TNFRSF9: variants seen among roughly 807,000 people sequenced by gnomAD.
The protein encoded by TNFRSF9 is tumor necrosis factor receptor superfamily member 9.
A neutral mutation model predicts 28.8 loss-of-function variants in TNFRSF9; 16 were observed. The ratio of observed to expected loss-of-function variants is 0.55; its 90% CI spans 0.38 to 0.84. TNFRSF9 has a LOEUF of 0.84. Ranked by LOEUF, TNFRSF9 falls within the 40% of genes least tolerant of loss-of-function variation. The probability of loss-of-function intolerance (pLI) is 0.00; values close to 1 mark genes in which losing one functional copy is unlikely to be tolerated. For missense variants in TNFRSF9, 303 were observed against 315.0 expected (o/e 0.96, Z 0.29); for synonymous variants, 131 against 117.0 (o/e 1.12, Z -0.77).
Position 7,920,773 on chromosome 1 carries a change from G to A in TNFRSF9, c.*62C>T, listed in dbSNP as rs539765907. 61 of 1,283,826 alleles carry A rather than the reference G, an allele frequency of 4.8e-5. No individual in the cohort carries two copies. The highest frequency in any genetic ancestry group is 3.4e-4 in the African/African-American group (23 of 68,300). The allele number at this position is 1,283,826 out of a possible 1,614,324, so 79.5% of individuals were successfully genotyped here. A position where few individuals can be genotyped will look rare whatever the true frequency, so the allele number is the denominator to read the frequency against. On this transcript the variant is annotated 3_prime_UTR_variant, in exon 8 of 8. Coordinates refer to ENST00000377507, the MANE Select transcript of TNFRSF9 (RefSeq NM_001561.6). ...TCTTGCTTTTGAAAGCTGTGATAGCGGATGACTCATATTTCCTTGCTTCTT... is the reference window on the plus strand; with the variant it reads ...TCTTGCTTTTGAAAGCTGTGATAGCAGATGACTCATATTTCCTTGCTTCTT...
chr1:7,939,746 C>G, intron 2 of TNFRSF9, 149 bp downstream of exon 2: 1 of 565,082 alleles, frequency 1.8e-6, no homozygotes, highest in Non-Finnish European at 3.1e-6. Context: ...GTTCACACAG[C>G]TAGGTTGTAG....
chr1:7,938,882 A>G, intron 2 of TNFRSF9, 54 bp from the exon 3 acceptor site: 1 of 1,270,396 alleles, frequency 7.9e-7, no homozygotes, highest in East Asian at 2.4e-5. Context: ...ATCGTCACCC[A>G]AGGCATTCCG....
At chr1:7,926,415 C>T (rs891263992) in intron 7 of TNFRSF9, among the ~76,000 whole-genome samples, 5 of 152,146 alleles carry the variant, frequency 3.3e-5, no homozygotes, top group Non-Finnish European at 7.3e-5. Context: ...CACACAACAA[C>T]GAAATCACTT....
intron 4 of TNFRSF9, among the ~76,000 whole-genome samples, 195 bp from the exon 5 acceptor site, chr1:7,937,951 G>A (rs950694522): frequency 6.6e-6 from 1 of 152,138 alleles, no homozygotes; most frequent in Non-Finnish European, 1.5e-5. Flanking sequence ...TCTGGAACAT[G>A]TGAAGATTAA....
At chr1:7,940,676 A>G (rs1231984481) in intron 1 of TNFRSF9, 108 bp downstream of exon 1, 1 of 152,250 alleles carries the variant, frequency 6.6e-6, no homozygotes, top group Non-Finnish European at 1.5e-5. Context: ...GCTATTGAAG[A>G]GAAGTTATTA....
At chr1:7,937,399 T>C (rs1490614486) in intron 5 of TNFRSF9, among the ~76,000 whole-genome samples, 1 of 151,826 alleles carries the variant, frequency 6.6e-6, no homozygotes, top group East Asian at 1.9e-4. Context: ...GCTCAAGGAG[T>C]CCTCCTGTCT....
chr1:7,934,493 G>A (rs1402235845), intron 6 of TNFRSF9, among the ~76,000 whole-genome samples: 3 of 151,952 alleles, frequency 2.0e-5, no homozygotes, highest in Non-Finnish European at 4.4e-5. Flanking sequence ...GGCGGATCAT[G>A]CGGTCAGGAG....
intron 7 of TNFRSF9, chr1:7,921,772 C>T (rs1246741793): frequency 1.3e-5 from 2 of 152,164 alleles, no homozygotes; most frequent in African/African-American, 4.8e-5. Flanking sequence ...AAATTTGTTT[C>T]CTCTTACCAA....
chr1:7,920,947 G>T (rs374786983), intron 7 of TNFRSF9, 24 bp from the exon 8 acceptor site: 1 of 1,500,206 alleles, frequency 6.7e-7, no homozygotes, highest in Admixed American at 1.7e-5. Flanking sequence ...TTTAAGATAC[G>T]TATATTTTGT....
intron 5 of TNFRSF9, among the ~76,000 whole-genome samples, chr1:7,936,752 T>C (rs1462036325): frequency 6.6e-6 from 1 of 151,946 alleles, no homozygotes; most frequent in Non-Finnish European, 1.5e-5. Flanking sequence ...AAAGAACAAA[T>C]ACATATAAAA....
chr1:7,920,997 A>G, intron 7 of TNFRSF9, 74 bp from the exon 8 acceptor site: 1 of 1,067,766 alleles, frequency 9.4e-7, no homozygotes, highest in Non-Finnish European at 1.4e-6. Context: ...TCCATAAATT[A>G]TAGCTGCAGA....
In TNFRSF9 at chr1:7,923,787, G is replaced by T. The variant is rs28780757; in HGVS notation, c.680-2864C>A. Among the ~76,000 whole-genome samples, 1,286 of 152,190 alleles carry T rather than the reference G, an allele frequency of 8.4e-3. 11 individuals are homozygous for T. Among genetic ancestry groups the T allele is most frequent in the African/African-American group, 0.03 (1,230 of 41,524 alleles). Reference sequence around the variant, plus strand: ...CAGGAAGTTGAGGCTGCATTGAGGCGTGATCATGCCACTGCACTCCCGCCT... The same window carrying T: ...CAGGAAGTTGAGGCTGCATTGAGGCTTGATCATGCCACTGCACTCCCGCCT... On this transcript the variant is annotated intron_variant, in intron 7 of 7. Transcript: ENST00000377507.
chr1:7,935,172 A>G, intron 5 of TNFRSF9, 29 bp from the exon 6 acceptor site: 1 of 1,606,162 alleles, frequency 6.2e-7, no homozygotes, highest in South Asian at 1.1e-5. Context: ...AATAATTTAA[A>G]TAATTAACTT....
chr1:7,937,888 A>G, intron 4 of TNFRSF9, 132 bp from the exon 5 acceptor site: 1 of 784,454 alleles, frequency 1.3e-6, no homozygotes. Flanking sequence ...TCTTGAAACA[A>G]CACCCTAAGA....
chr1:7,921,708 A>G (rs952977530), intron 7 of TNFRSF9: 2 of 152,094 alleles, frequency 1.3e-5, no homozygotes, highest in African/African-American at 4.8e-5. Flanking sequence ...ATTTTAACAA[A>G]CTCATCCACA....
chr1:7,938,641 G>A (rs1039000603), intron 3 of TNFRSF9, 80 bp downstream of exon 3: 19 of 1,216,898 alleles, frequency 1.6e-5, no homozygotes, highest in Non-Finnish European at 2.2e-5. Context: ...ATTTTCAAAA[G>A]AGAGCAGTTA....
chr1:7,934,465 C>T (rs544037084), intron 6 of TNFRSF9, among the ~76,000 whole-genome samples: 2 of 151,808 alleles, frequency 1.3e-5, no homozygotes, highest in Admixed American at 1.3e-4. Flanking sequence ...AATCCCAGCA[C>T]TTTGGGAGGC....
Position 7,917,657 on chromosome 1 carries a change from A to G in TNFRSF9, c.*3178T>C, listed in dbSNP as rs757684964. The G allele has an allele frequency of 5.3e-5, 8 of 152,298 alleles. No homozygotes were observed. Among genetic ancestry groups the G allele is most frequent in the Non-Finnish European group, 7.3e-5 (5 of 68,028 alleles). 9.4% of individuals were successfully genotyped at this position (152,298 alleles called of 1,614,324 possible). A position where few individuals can be genotyped will look rare whatever the true frequency, so the allele number is the denominator to read the frequency against. ...GATTTCTTTAGCCAGGCAAGAAAAA[A>G]TGTTAACCATATGAGAAAACAGTTA... On this transcript the variant is annotated 3_prime_UTR_variant, in exon 8 of 8. Transcript: ENST00000377507.
chr1:7,925,014 AT>A (rs869105800), intron 7 of TNFRSF9, among the ~76,000 whole-genome samples: 6 of 152,008 alleles, frequency 3.9e-5, no homozygotes, highest in Non-Finnish European at 8.8e-5. Context: ...GTTAAAAAAA[AT>A]TTTTTTTAAG....
Sources: gnomAD v4.1 joint callset for allele counts (sites outside exome capture counted in the v4.1 genomes callset) on GRCh38, gnomAD v4.1.1 for gene constraint, MANE v1.5 for transcripts, NCBI Gene and HGNC (gene_info 2026-07-23, HGNC 2026-07-21) for gene names.